Variants in CELF2 observed in about 807,000 individuals in gnomAD.
The protein encoded by CELF2 is CUG triplet repeat RNA-binding protein 2.
A neutral mutation model predicts 62.6 loss-of-function variants in CELF2; 8 were observed. The ratio of observed to expected loss-of-function variants is 0.13; its 90% CI spans 0.07 to 0.23. The LOEUF (loss-of-function observed/expected upper bound fraction) is 0.23, where lower values mean the gene tolerates loss of function less well. Among genes scored for constraint, CELF2 ranks in the 10% least tolerant of loss-of-function variants. The pLI is 1.00. For synonymous variants in CELF2, 258 were observed against 250.0 expected (o/e 1.03, Z -0.30); for missense variants, 333 against 671.0 (o/e 0.50, Z 5.56).
At chr10:10,992,205 A>G (rs1375530938) in intron 2 of CELF2, among the ~76,000 whole-genome samples, 1 of 152,186 alleles carries the variant, frequency 6.6e-6, no homozygotes, top group Non-Finnish European at 1.5e-5. Context: ...ACAGATCAAC[A>G]ATGGTTTGGC....
chr10:10,552,929 T>C, the CELF2 span, among the ~76,000 whole-genome samples: 6 of 152,310 alleles, frequency 3.9e-5, no homozygotes, highest in South Asian at 1.0e-3. Context: ...GCTCCCTTCC[T>C]GGCTTATAGA....
the CELF2 span, among the ~76,000 whole-genome samples, chr10:10,719,997 A>G: frequency 2.6e-5 from 4 of 152,198 alleles, no homozygotes; most frequent in Non-Finnish European, 5.9e-5. Flanking sequence ...TCTGAATATC[A>G]TCATTTCCTC....
chr10:11,142,086 G>A (rs1434788785), intron 1 of CELF2, among the ~76,000 whole-genome samples: 1 of 152,214 alleles, frequency 6.6e-6, no homozygotes, highest in East Asian at 1.9e-4. Flanking sequence ...GTAGCTGCCT[G>A]AGATGAAAAC....
At chr10:10,575,704 T>C in the CELF2 span, among the ~76,000 whole-genome samples, 4 of 152,158 alleles carry the variant, frequency 2.6e-5, no homozygotes, top group African/African-American at 9.7e-5. Context: ...ACACATCCAA[T>C]TAAAACAGGT....
the CELF2 span, among the ~76,000 whole-genome samples, chr10:10,666,323 A>G: frequency 1.2e-4 from 19 of 152,280 alleles, no homozygotes; most frequent in East Asian, 3.3e-3. Context: ...AGAGGAAATA[A>G]GTCAGTGGGG....
At chr10:11,106,756 G>T (rs2053601194) in intron 1 of CELF2, among the ~76,000 whole-genome samples, 2 of 152,250 alleles carry the variant, frequency 1.3e-5, no homozygotes. Flanking sequence ...TACGGAAGGA[G>T]CTAACACCTG....
Position 11,324,672 on chromosome 10 carries a change from G to C in CELF2, c.1295-1164G>C, listed in dbSNP as rs529674093. 6.6e-6 allele frequency among the ~76,000 whole-genome samples: 1 copy of C among 152,332 alleles called. No individual in the cohort carries two copies. Among genetic ancestry groups the C allele is most frequent in the East Asian group, 1.9e-4 (1 of 5,190 alleles). On this transcript the variant is annotated intron_variant, in intron 11 of 12. Transcript: ENST00000633077. This position sits in a 1 kb window ranked among gnomAD's most constrained non-coding sequence, Gnocchi z 4.7. ...CCCAATCATTAGGATACTTTCTTGT[G>C]ATGTATTTTGTGGAGGCAGGGGAAG... is the stretch of plus-strand genomic sequence containing the variant.
chr10:10,841,584 T>C (rs1460450151), intron 1 of CELF2, among the ~76,000 whole-genome samples: 1 of 151,942 alleles, frequency 6.6e-6, no homozygotes, highest in Non-Finnish European at 1.5e-5. Flanking sequence ...TTTGTGTTTG[T>C]CTATATTTGG....
At chr10:11,084,829 C>T (rs996322462) in intron 1 of CELF2, among the ~76,000 whole-genome samples, 31 of 152,154 alleles carry the variant, frequency 2.0e-4, no homozygotes, top group African/African-American at 7.0e-4. Flanking sequence ...ATACAGACCC[C>T]GCAACAAAGA....
chr10:11,203,642 A>G (rs185612993), intron 2 of CELF2, among the ~76,000 whole-genome samples: 1 of 152,266 alleles, frequency 6.6e-6, no homozygotes, highest in East Asian at 1.9e-4. Flanking sequence ...CTTAAACCAG[A>G]TGGTTAAGAT....
chr10:11,176,297 A>G (rs917520841), intron 2 of CELF2, among the ~76,000 whole-genome samples: 3 of 152,224 alleles, frequency 2.0e-5, no homozygotes, highest in African/African-American at 7.2e-5. Flanking sequence ...CAAGGACAGA[A>G]AATGTACAGT....
intron 2 of CELF2, among the ~76,000 whole-genome samples, chr10:10,969,228 G>A (rs1294383501): frequency 1.3e-5 from 2 of 152,200 alleles, no homozygotes; most frequent in Non-Finnish European, 2.9e-5. Context: ...TTGCACTCCA[G>A]CCTGGGCAAC....
intron 1 of CELF2, among the ~76,000 whole-genome samples, chr10:10,816,364 A>C (rs568302533): frequency 2.0e-5 from 3 of 152,320 alleles, no homozygotes; most frequent in African/African-American, 7.2e-5. Flanking sequence ...TCTGCTTCTG[A>C]CTTCAGATAA....
At chr10:11,019,115 A>G (rs1382661028) in intron 1 of CELF2, among the ~76,000 whole-genome samples, 1 of 152,218 alleles carries the variant, frequency 6.6e-6, no homozygotes, top group Non-Finnish European at 1.5e-5. Context: ...TCTAATTTTT[A>G]GCTGGCTTGA....
At chr10:11,278,834 T>C (rs1277554870) in intron 8 of CELF2, among the ~76,000 whole-genome samples, 1 of 152,188 alleles carries the variant, frequency 6.6e-6, no homozygotes, top group Non-Finnish European at 1.5e-5. Flanking sequence ...GTAGGGACTC[T>C]AAGTTAGCCC....
the CELF2 span, among the ~76,000 whole-genome samples, chr10:10,616,625 A>G: frequency 6.6e-6 from 1 of 151,066 alleles, no homozygotes; most frequent in Non-Finnish European, 1.5e-5. Context: ...TTACCTACTC[A>G]CTGCCTCAAG....
intron 1 of CELF2, among the ~76,000 whole-genome samples, chr10:10,886,717 T>C (rs2061775160): frequency 6.6e-6 from 1 of 152,124 alleles, no homozygotes; most frequent in Non-Finnish European, 1.5e-5. Flanking sequence ...ATGCCCGTGG[T>C]CCCAGCTACC....
rs575520890 is a variant in CELF2, at chr10:10,978,814, A to G, written c.89+58815A>G. ...ATCTTTGAAAACCCAGTGTCAAAAC[A>G]ATATCAGTATTACTGATGAATACTA... On this transcript the variant is annotated intron_variant, in intron 2 of 13. Coordinates refer to the CELF2 transcript ENST00000636488. 3.3e-5 allele frequency among the ~76,000 whole-genome samples: 5 copies of G among 152,366 alleles called. No individual in the cohort carries two copies. The South Asian group carries it at 8.3e-4, about 25-fold the overall frequency.
chr10:10,740,580 C>T, the CELF2 span, among the ~76,000 whole-genome samples: 5 of 152,176 alleles, frequency 3.3e-5, no homozygotes, highest in African/African-American at 9.6e-5. Flanking sequence ...TCCATGTACC[C>T]GCCCTCCCAA....
Sources: allele counts gnomAD v4.1 joint callset (sites outside exome capture counted in the v4.1 genomes callset), GRCh38; gene constraint gnomAD v4.1.1; non-coding constraint Gnocchi (gnomAD v3.1); transcripts MANE v1.5; gene names NCBI Gene and HGNC (gene_info 2026-07-23, HGNC 2026-07-21).